Variants in GAB2 observed in about 807,000 individuals in gnomAD.
The protein encoded by GAB2 is GRB2-associated-binding protein 2.
A neutral mutation model predicts 65.5 loss-of-function variants in GAB2; 26 were observed. The ratio of observed to expected loss-of-function variants is 0.40; its 90% CI spans 0.29 to 0.55. The LOEUF (loss-of-function observed/expected upper bound fraction) is 0.55, where lower values mean the gene tolerates loss of function less well. GAB2 is among the 20% of genes least tolerant of loss of function. The pLI is 0.53. For synonymous variants in GAB2, 321 were observed against 329.6 expected, an observed-to-expected ratio of 0.97 and a Z score of 0.28; for missense variants, 884 against 875.8, an observed-to-expected ratio of 1.01 and a Z score of -0.12.
At chr11:78,278,661 G>C (rs1036447656) in intron 2 of GAB2, among the ~76,000 whole-genome samples, 8 of 151,870 alleles carry the variant, frequency 5.3e-5, no homozygotes, top group Non-Finnish European at 8.8e-5. Context: ...TTACAGGCGT[G>C]AAACACTGTG....
chr11:78,404,937 T>C (rs1169109253), intron 1 of GAB2, among the ~76,000 whole-genome samples: 6 of 152,030 alleles, frequency 3.9e-5, no homozygotes, highest in Non-Finnish European at 8.8e-5. Context: ...ATGATAAACG[T>C]TTGAGGTGAT....
At chr11:78,403,620 A>C (rs970723499) in intron 1 of GAB2, among the ~76,000 whole-genome samples, 2 of 152,254 alleles carry the variant, frequency 1.3e-5, no homozygotes, top group African/African-American at 2.4e-5. Flanking sequence ...ATGAGACCTG[A>C]AACTATAAAA....
chr11:78,417,477 T>G (rs975829011), intron 1 of GAB2, among the ~76,000 whole-genome samples, 169 bp downstream of exon 1: 6 of 147,448 alleles, frequency 4.1e-5, no homozygotes, highest in Non-Finnish European at 6.0e-5. Context: ...GCGGCCCACC[T>G]GTGACAGGTG....
chr11:78,265,663 T>G (rs1413509968), intron 2 of GAB2, among the ~76,000 whole-genome samples: 2 of 152,212 alleles, frequency 1.3e-5, no homozygotes, highest in Non-Finnish European at 2.9e-5. Context: ...CTAGTTAGTA[T>G]ATCATCTCTT....
chr11:78,282,737 T>A (rs1866368817), intron 1 of GAB2, among the ~76,000 whole-genome samples: 1 of 152,184 alleles, frequency 6.6e-6, no homozygotes, highest in Non-Finnish European at 1.5e-5. Flanking sequence ...CAAAGCACTT[T>A]GTATACACCC....
intron 1 of GAB2, among the ~76,000 whole-genome samples, chr11:78,363,535 C>G (rs1158657128): frequency 6.6e-6 from 1 of 151,998 alleles, no homozygotes; most frequent in Non-Finnish European, 1.5e-5. Flanking sequence ...ATAAAAATGT[C>G]TGCTTTCCAG....
At chr11:78,347,247 A>G (rs1856206607) in intron 1 of GAB2, among the ~76,000 whole-genome samples, 1 of 152,162 alleles carries the variant, frequency 6.6e-6, no homozygotes. Flanking sequence ...CTAGTTTCCA[A>G]CATGCTTGCT....
intron 1 of GAB2, among the ~76,000 whole-genome samples, chr11:78,361,463 C>G (rs947550408): frequency 5.3e-5 from 8 of 152,112 alleles, no homozygotes; most frequent in African/African-American, 1.9e-4. Flanking sequence ...AAAATGGTAA[C>G]TTGGGTTAGA....
intron 1 of GAB2, among the ~76,000 whole-genome samples, chr11:78,370,437 G>C (rs1203672049): frequency 6.6e-6 from 1 of 152,080 alleles, no homozygotes; most frequent in African/African-American, 2.4e-5. Flanking sequence ...GGCAAACAGG[G>C]CAAGGGTCTG....
At chr11:78,398,090 A>G (rs558919376) in intron 1 of GAB2, among the ~76,000 whole-genome samples, 2 of 151,116 alleles carry the variant, frequency 1.3e-5, no homozygotes, top group African/African-American at 2.5e-5. Context: ...ATATGAAAAG[A>G]TCAACAAACT....
intron 1 of GAB2, among the ~76,000 whole-genome samples, chr11:78,358,896 A>T (rs888093395): frequency 1.3e-5 from 2 of 152,190 alleles, no homozygotes; most frequent in Non-Finnish European, 2.9e-5. Context: ...ACGAGAGTAT[A>T]AAAAAGAACT....
chr11:78,397,272 C>T (rs1247612753), intron 1 of GAB2, among the ~76,000 whole-genome samples: 1 of 152,140 alleles, frequency 6.6e-6, no homozygotes, highest in Admixed American at 6.5e-5. Flanking sequence ...TATAACCAAT[C>T]CTGAGTAATA....
rs772221838 is a variant in GAB2 at position 78,219,427 on chromosome 11, G to C, written c.1888-12C>G. On this transcript the variant is annotated splice_polypyrimidine_tract_variant and intron_variant, in intron 9 of 9. Coordinates refer to ENST00000361507, the MANE Select transcript of GAB2 (RefSeq NM_080491.3). ...GATGAAGTAGATGGCTGAGGGGACA[G>C]AGTGGGAAAGAGGGAGTAGCTGTGA... is the stretch of plus-strand genomic sequence containing the variant. The C allele has an allele frequency of 6.4e-5, 104 of 1,613,414 alleles. No homozygotes were observed. The highest frequency in any genetic ancestry group is 1.7e-4 in the Middle Eastern group (1 of 6,058).
chr11:78,266,435 C>G (rs2510043), intron 2 of GAB2, among the ~76,000 whole-genome samples: 44,808 of 151,792 alleles, frequency 0.3, 8,563 homozygotes, highest in African/African-American at 0.53. Flanking sequence ...GCAGCCCAGG[C>G]ACAAAAGAAG....
intron 3 of GAB2, among the ~76,000 whole-genome samples, chr11:78,227,290 A>G (rs573452361): frequency 2.0e-5 from 3 of 152,210 alleles, no homozygotes; most frequent in Non-Finnish European, 4.4e-5. Flanking sequence ...CACTCCCTGA[A>G]CAAGTATCAA....
At chr11:78,341,558 T>C (rs1184205170) in intron 1 of GAB2, among the ~76,000 whole-genome samples, 1 of 152,218 alleles carries the variant, frequency 6.6e-6, no homozygotes, top group East Asian at 1.9e-4. Flanking sequence ...ACTAGGGTCA[T>C]CAGCTCCAGG....
intron 3 of GAB2, among the ~76,000 whole-genome samples, chr11:78,247,474 T>A (rs1287947551): frequency 1.3e-5 from 2 of 152,234 alleles, no homozygotes; most frequent in Non-Finnish European, 2.9e-5. Context: ...GTCCAAAATA[T>A]GGGTTTATTT....
At chr11:78,273,204 G>A (rs1199939231) in intron 2 of GAB2, among the ~76,000 whole-genome samples, 2 of 152,178 alleles carry the variant, frequency 1.3e-5, no homozygotes, top group Non-Finnish European at 2.9e-5. Flanking sequence ...TGAGAGAAGG[G>A]CCACCATCCT....
chr11:78,404,870 T>C (rs1257061791), intron 1 of GAB2, among the ~76,000 whole-genome samples: 3 of 152,194 alleles, frequency 2.0e-5, no homozygotes, highest in Non-Finnish European at 2.9e-5. Flanking sequence ...TTAACAATAA[T>C]TTATTGTATA....
Sources: allele counts gnomAD v4.1 joint callset (sites outside exome capture counted in the v4.1 genomes callset), GRCh38; gene constraint gnomAD v4.1.1; transcripts MANE v1.5; gene names NCBI Gene and HGNC (gene_info 2026-07-23, HGNC 2026-07-21).